Variants in HSP90AA1 observed in about 807,000 individuals in gnomAD.
HSP90AA1 encodes the protein heat shock protein 90 alpha family class A member 1, also known as heat shock protein HSP 90-alpha.
A neutral mutation model predicts 73.3 loss-of-function variants in HSP90AA1; 18 were observed. The ratio of observed to expected loss-of-function variants is 0.25; its 90% CI spans 0.17 to 0.36. The LOEUF (loss-of-function observed/expected upper bound fraction) is 0.36. HSP90AA1 is among the 10% of genes least tolerant of loss of function. The pLI, the probability that HSP90AA1 is intolerant of heterozygous loss-of-function variation, is 1.00. For missense variants in HSP90AA1, 704 were observed against 874.2 expected (o/e 0.81, Z 2.45); for synonymous variants, 477 against 296.9 (o/e 1.61, Z -6.24).
chr14:102,120,038 T>C (rs1194980119), intron 1 of HSP90AA1, among the ~76,000 whole-genome samples: 1 of 152,162 alleles, frequency 6.6e-6, no homozygotes, highest in Non-Finnish European at 1.5e-5. Context: ...TAAATCAAGT[T>C]AAAAAGTAAT....
chr14:102,118,317 C>T (rs1007915349), intron 1 of HSP90AA1, among the ~76,000 whole-genome samples: 18 of 152,090 alleles, frequency 1.2e-4, no homozygotes, highest in African/African-American at 3.6e-4. Flanking sequence ...AATGTGATCA[C>T]GATTTATTTT....
Position 102,080,789 on chromosome 14 carries a change from TAAC to T in HSP90AA1, c.*920_*922del, listed in dbSNP as rs1442717782. ...TTTAACACAGAAGGTATTCCATGAA[TAAC>T]ATCAAAACAACGTGGACACTAAGAG... On this transcript the variant is annotated 3_prime_UTR_variant, in exon 11 of 11. Transcript: ENST00000216281. 1.4e-5 allele frequency: 3 copies of T among 220,996 alleles called. No homozygotes were observed. The highest frequency in any genetic ancestry group is 2.7e-5 in the Non-Finnish European group (3 of 110,358). 13.7% of individuals were successfully genotyped at this position (220,996 alleles called of 1,614,324 possible).
At chr14:102,081,981 A>T (rs1266098832) in intron 10 of HSP90AA1, 130 bp downstream of exon 10, 2 of 791,316 alleles carry the variant, frequency 2.5e-6, no homozygotes, top group Admixed American at 4.1e-5. Context: ...CCCTAAAAAA[A>T]ACATACTTTA....
At chr14:102,106,986 A>G (rs2049577359) in intron 1 of HSP90AA1, among the ~76,000 whole-genome samples, 1 of 152,056 alleles carries the variant, frequency 6.6e-6, no homozygotes, top group Non-Finnish European at 1.5e-5. Flanking sequence ...TAAGGAAAAT[A>G]AAAAAGGTCT....
intron 1 of HSP90AA1, among the ~76,000 whole-genome samples, chr14:102,122,015 G>A (rs1037078759): frequency 6.6e-6 from 1 of 152,026 alleles, no homozygotes; most frequent in Non-Finnish European, 1.5e-5. Flanking sequence ...GTTTAGAAAA[G>A]CTTTCCTCAC....
rs1278756525 is a variant in HSP90AA1, at chr14:102,081,791, T to C, written c.2120A>G (p.Asp707Gly). ...TTCTTCAGTTACAGCAGCACTGGTA[T>C]CATCAGCAGTAGGGTCATCTTCATC... ...GIDEDDPTAD[D>G]TSAAVTEEMP... Residue 707 changes from aspartate to glycine, a missense_variant, in exon 11 of 11, where the codon GAT becomes GGT. Transcript: ENST00000216281. The C allele has an allele frequency of 1.9e-6, 3 of 1,574,500 alleles. No individual in the cohort carries two copies. The highest frequency in any genetic ancestry group is 1.7e-5 in the Admixed American group (1 of 59,946).
chr14:102,083,789 C>G lies in HSP90AA1; in HGVS notation c.1338+4G>C, dbSNP rs775952225. ...TTGGAAAACTAATGGTTATTTACAC[C>G]AACCTTTATGTTTTTAGAGAACTGC... On this transcript the variant is annotated splice_donor_region_variant and intron_variant, in intron 7 of 10. Coordinates refer to ENST00000216281, the MANE Select transcript of HSP90AA1 (RefSeq NM_005348.4). The G allele has an allele frequency of 6.2e-7, 1 of 1,607,452 alleles. No individual in the cohort carries two copies. Among genetic ancestry groups the G allele is most frequent in the Admixed American group, 1.7e-5 (1 of 59,660 alleles).
chr14:102,089,727 G>A (rs1228548537), upstream of HSP90AA1, among the ~76,000 whole-genome samples: 2 of 152,080 alleles, frequency 1.3e-5, no homozygotes, highest in East Asian at 1.9e-4. Context: ...TTGAGGGCTC[G>A]TTAGCCAGGT....
chr14:102,090,356 C>T (rs1019188250), upstream of HSP90AA1, among the ~76,000 whole-genome samples: 1 of 152,198 alleles, frequency 6.6e-6, no homozygotes, highest in African/African-American at 2.4e-5. Context: ...ACATGTGCTC[C>T]TCTGCTTCCT....
At chr14:102,138,363 G>A (rs1314163254) in intron 1 of HSP90AA1, among the ~76,000 whole-genome samples, 1 of 152,182 alleles carries the variant, frequency 6.6e-6, no homozygotes, top group Non-Finnish European at 1.5e-5. Context: ...CAGTTATGGA[G>A]TTTGGGATAT....
intron 2 of HSP90AA1, among the ~76,000 whole-genome samples, chr14:102,093,155 A>G (rs1029847837): frequency 6.6e-5 from 10 of 151,938 alleles, no homozygotes; most frequent in African/African-American, 2.4e-4. Flanking sequence ...TACTTAGGAA[A>G]GAAAAATTGT....
At chr14:102,118,624 A>G (rs2049737683) in intron 1 of HSP90AA1, among the ~76,000 whole-genome samples, 1 of 152,106 alleles carries the variant, frequency 6.6e-6, no homozygotes, top group African/African-American at 2.4e-5. Context: ...TTGAACATTC[A>G]TCTTTTACCT....
intron 1 of HSP90AA1, among the ~76,000 whole-genome samples, chr14:102,122,546 G>T (rs1247432060): frequency 2.0e-5 from 3 of 152,038 alleles, no homozygotes; most frequent in African/African-American, 7.2e-5. Flanking sequence ...CTCCCAAAGT[G>T]TTGGGATTAT....
At chr14:102,123,813 T>A (rs745935435) in intron 1 of HSP90AA1, among the ~76,000 whole-genome samples, 82 of 152,264 alleles carry the variant, frequency 5.4e-4, no homozygotes, top group Non-Finnish European at 1.0e-3. Context: ...GTGTTTTTTT[T>A]AATTGAGACA....
chr14:102,086,116 G>A lies in HSP90AA1; in HGVS notation c.171C>T (p.Asp57=), dbSNP rs1408947940. The A allele has an allele frequency of 1.1e-5, 18 of 1,613,916 alleles. No individual in the cohort carries two copies. The Admixed American group carries it at 1.7e-4, about 15-fold the overall frequency. The change falls in exon 3 of 11, where the codon GAC becomes GAT. Residue 57 remains aspartate (D), a synonymous_variant. Transcript: ENST00000216281. ...ELISNSSDAL[D]KIRYESLTDP... ...CTGTCAAGCTTTCATACCGGATTTT[G>A]TCCAATGCCTGTTAACAAAAAATAT...
Position 102,139,124 on chromosome 14 carries a change from G to C in HSP90AA1, c.155+126C>G. 3 of 1,183,128 alleles carry C rather than the reference G, an allele frequency of 2.5e-6. No individual in the cohort carries two copies. In the South Asian group the frequency reaches 3.9e-5, roughly 15 times the overall value. The allele number at this position is 1,183,128 out of a possible 1,614,324, so 73.3% of individuals were successfully genotyped here. A position where few individuals can be genotyped will look rare whatever the true frequency, so the allele number is the denominator to read the frequency against. ...CTCCGCTAAGAAGCGGAGGCCGCCAGTGCTCATCACACGCAGGAATTAGGA... is the reference window on the plus strand; with the variant it reads ...CTCCGCTAAGAAGCGGAGGCCGCCACTGCTCATCACACGCAGGAATTAGGA... On this transcript the variant is annotated intron_variant, in intron 1 of 11. Coordinates refer to the HSP90AA1 transcript ENST00000334701.
intron 1 of HSP90AA1, among the ~76,000 whole-genome samples, chr14:102,131,820 T>C (rs1266959707): frequency 6.6e-6 from 1 of 152,258 alleles, no homozygotes; most frequent in Non-Finnish European, 1.5e-5. Context: ...GCTCATTGCC[T>C]TTCTGTTATT....
At chr14:102,087,143 C>A, upstream of HSP90AA1, 1 of 984,168 alleles carries the variant, frequency 1.0e-6, no homozygotes, top group Non-Finnish European at 1.2e-6. Context: ...GAACCCTCCC[C>A]AGCCGCCGCC....
rs139051948 is a variant in HSP90AA1 at position 102,086,022 on chromosome 14, G to A, written c.265C>T (p.Leu89Phe). 279 of 1,613,940 alleles carry A rather than the reference G, an allele frequency of 1.7e-4. No individual in the cohort carries two copies. Among genetic ancestry groups the A allele is most frequent in the Non-Finnish European group, 1.4e-4 (164 of 1,179,858 alleles). Reference sequence around the variant, plus strand: ...CCAATTCCAGTATCCACAATAGTGAGAGTTCGATCTTGTTTGTTCGGTATA... The same window carrying A: ...CCAATTCCAGTATCCACAATAGTGAAAGTTCGATCTTGTTTGTTCGGTATA... ...NLIPNKQDRTLTIVDTGIGMT... is the reference protein window; with the variant it reads ...NLIPNKQDRTFTIVDTGIGMT... The change falls in exon 3 of 11, where the codon CTC (leucine) becomes TTC (phenylalanine). Residue 89 changes from leucine to phenylalanine, a missense_variant. By Grantham distance (22) the Leu-to-Phe change is conservative (BLOSUM62 0). Coordinates refer to ENST00000216281, the MANE Select transcript of HSP90AA1 (RefSeq NM_005348.4).
Sources: allele counts gnomAD v4.1 joint callset (sites outside exome capture counted in the v4.1 genomes callset), GRCh38; gene constraint gnomAD v4.1.1; transcripts MANE v1.5; gene names NCBI Gene and HGNC (gene_info 2026-07-23, HGNC 2026-07-21).